Variants in PRKCE observed in about 807,000 individuals in gnomAD.
The protein encoded by PRKCE is protein kinase C epsilon type.
A neutral mutation model predicts 85.4 loss-of-function variants in PRKCE; 16 were observed. That is an observed-to-expected ratio of 0.19 (90% confidence interval 0.13 to 0.28). PRKCE has a LOEUF of 0.28. PRKCE is among the 10% of genes least tolerant of loss of function. PRKCE has a pLI of 1.00. For missense variants in PRKCE, 573 were observed against 975.2 expected (o/e 0.59, Z 5.49); for synonymous variants, 388 against 371.5 (o/e 1.04, Z -0.51).
chr2:45,735,928 T>A (rs192759036), intron 1 of PRKCE, among the ~76,000 whole-genome samples: 3 of 152,288 alleles, frequency 2.0e-5, no homozygotes, highest in South Asian at 2.1e-4. Context: ...TTCCTATATA[T>A]TGTCCCATGT....
chr2:45,869,516 T>G (rs1434063690), intron 2 of PRKCE, among the ~76,000 whole-genome samples: 2 of 152,138 alleles, frequency 1.3e-5, no homozygotes, highest in African/African-American at 4.8e-5. Flanking sequence ...TCACACATGC[T>G]ACCTGTTTTT....
intron 14 of PRKCE, among the ~76,000 whole-genome samples, chr2:46,178,670 T>G (rs1164986122): frequency 6.6e-6 from 1 of 152,186 alleles, no homozygotes; most frequent in African/African-American, 2.4e-5. Context: ...TTTAGAATAT[T>G]TAAAAGAGAA....
intron 11 of PRKCE, among the ~76,000 whole-genome samples, chr2:46,102,843 A>G (rs1116245): frequency 0.38 from 58,242 of 152,106 alleles, 13,415 homozygotes; most frequent in East Asian, 0.56. Context: ...CATACTATCA[A>G]CATGACTTAT....
At chr2:45,928,771 G>A (rs1038959015) in intron 2 of PRKCE, among the ~76,000 whole-genome samples, 6 of 152,174 alleles carry the variant, frequency 3.9e-5, no homozygotes, top group African/African-American at 1.4e-4. Flanking sequence ...TAATAGTGTG[G>A]ATGGACTTTT....
At chr2:46,168,368 C>CA (rs1269275321) in intron 14 of PRKCE, among the ~76,000 whole-genome samples, 7 of 152,164 alleles carry the variant, frequency 4.6e-5, no homozygotes, top group Non-Finnish European at 5.9e-5. Flanking sequence ...CTGATCAAAC[C>CA]AGAGGACAGC....
At chr2:45,698,207 C>T (rs537309698) in intron 1 of PRKCE, among the ~76,000 whole-genome samples, 2 of 152,152 alleles carry the variant, frequency 1.3e-5, no homozygotes, top group Non-Finnish European at 2.9e-5. Context: ...GGTTTTGCAA[C>T]GTAGTGATCT....
At chr2:45,770,750 C>G (rs1299030474) in intron 1 of PRKCE, 1 of 152,216 alleles carries the variant, frequency 6.6e-6, no homozygotes, top group Non-Finnish European at 1.5e-5. Context: ...GTACTGGCCC[C>G]ATCTGCAGCG....
At chr2:45,857,718 A>AT (rs34814737) in intron 2 of PRKCE, among the ~76,000 whole-genome samples, 8,862 of 146,668 alleles carry the variant, frequency 0.06, 324 homozygotes, top group African/African-American at 0.1. Context: ...CAGCATTTTG[A>AT]TTTTTTTTTT....
At chr2:46,030,609 G>T (rs1707448441) in intron 10 of PRKCE, among the ~76,000 whole-genome samples, 1 of 152,142 alleles carries the variant, frequency 6.6e-6, no homozygotes, top group African/African-American at 2.4e-5. Context: ...GGTGTGATTT[G>T]GGGATGCATA....
intron 12 of PRKCE, among the ~76,000 whole-genome samples, chr2:46,147,713 T>C (rs2104504259): frequency 6.6e-6 from 1 of 152,338 alleles, no homozygotes; most frequent in East Asian, 1.9e-4. Context: ...CTCTAAAGCA[T>C]TAGCCCAGTG....
At chr2:46,023,897 A>G (rs1328043583) in intron 10 of PRKCE, among the ~76,000 whole-genome samples, 1 of 152,134 alleles carries the variant, frequency 6.6e-6, no homozygotes, top group East Asian at 1.9e-4. Context: ...GAATTTCTAT[A>G]TAGTGTTCAT....
At chr2:45,745,502 A>G (rs1683067971) in intron 1 of PRKCE, among the ~76,000 whole-genome samples, 2 of 152,196 alleles carry the variant, frequency 1.3e-5, no homozygotes. Flanking sequence ...CCTGGCTGTC[A>G]TTCCAGGAAG....
At chr2:45,655,090 G>A (rs572184968) in intron 1 of PRKCE, among the ~76,000 whole-genome samples, 1 of 152,320 alleles carries the variant, frequency 6.6e-6, no homozygotes, top group African/African-American at 2.4e-5. Flanking sequence ...GCCGCACTTT[G>A]AATTCACTTG....
Position 45,724,455 on chromosome 2 carries a change from A to C in PRKCE, c.348+72007A>C, listed in dbSNP as rs75640352. Among the ~76,000 whole-genome samples the C allele has an allele frequency of 1.6e-4, 24 of 152,310 alleles. No homozygotes were observed. In the East Asian group the frequency reaches 4.0e-3, roughly 26 times the overall value. On this transcript the variant is annotated intron_variant, in intron 1 of 14. Coordinates refer to ENST00000306156, the MANE Select transcript of PRKCE (RefSeq NM_005400.3). ...AATCAGGCCACTTAATAACCCTACA[A>C]TGACCTCTAAGTGTTCCAGTGAAAG...
intron 10 of PRKCE, among the ~76,000 whole-genome samples, chr2:46,044,419 G>T (rs1285401971): frequency 6.6e-6 from 1 of 152,184 alleles, no homozygotes; most frequent in South Asian, 2.1e-4. Flanking sequence ...AGCTCATCTG[G>T]TGCTTTGGGG....
chr2:46,045,687 T>A (rs1185463992), intron 10 of PRKCE, among the ~76,000 whole-genome samples: 1 of 152,128 alleles, frequency 6.6e-6, no homozygotes, highest in Non-Finnish European at 1.5e-5. Context: ...GCAACCAGCC[T>A]GGCCAACATG....
chr2:46,002,701 A>T (rs1019722214), intron 7 of PRKCE, among the ~76,000 whole-genome samples: 3 of 152,172 alleles, frequency 2.0e-5, no homozygotes, highest in African/African-American at 7.2e-5. Context: ...TGGTGGAAAC[A>T]AGACTTCACT....
chr2:46,091,772 G>A (rs986753749), intron 11 of PRKCE, among the ~76,000 whole-genome samples: 11 of 152,100 alleles, frequency 7.2e-5, no homozygotes, highest in South Asian at 2.1e-4. Flanking sequence ...CACATACCTC[G>A]AATTTACATT....
At chr2:45,722,030 T>A (rs1680667651) in intron 1 of PRKCE, among the ~76,000 whole-genome samples, 1 of 152,008 alleles carries the variant, frequency 6.6e-6, no homozygotes, top group Admixed American at 6.5e-5. Context: ...GAGTTTCTGT[T>A]TATTTGGGGT....
Sources: allele counts gnomAD v4.1 joint callset (sites outside exome capture counted in the v4.1 genomes callset), GRCh38; gene constraint gnomAD v4.1.1; transcripts MANE v1.5; gene names NCBI Gene and HGNC (gene_info 2026-07-23, HGNC 2026-07-21).